NKAIN2: variants seen among roughly 807,000 people sequenced by gnomAD.
The protein encoded by NKAIN2 is sodium/potassium transporting ATPase interacting 2.
NKAIN2 carries 14 observed loss-of-function variants against 32.6 expected under a neutral mutation model. The observed-to-expected ratio is 0.43, with a 90% CI of 0.28 to 0.67. The LOEUF (loss-of-function observed/expected upper bound fraction) is 0.67, where lower values mean the gene tolerates loss of function less well. Ranked by LOEUF, NKAIN2 falls within the 30% of genes least tolerant of loss-of-function variation. The pLI is 0.17. For missense variants in NKAIN2, 198 were observed against 258.3 expected, an observed-to-expected ratio of 0.77 and a Z score of 1.60; for synonymous variants, 80 against 87.2, an observed-to-expected ratio of 0.92 and a Z score of 0.46.
chr6:124,664,710 C>T (rs1398674379), intron 4 of NKAIN2, among the ~76,000 whole-genome samples: 2 of 126,894 alleles, frequency 1.6e-5, no homozygotes, highest in Admixed American at 9.5e-5. Flanking sequence ...AGGAGAATGG[C>T]GTGAACCCGG....
chr6:124,567,291 T>G (rs1386702735), intron 3 of NKAIN2, among the ~76,000 whole-genome samples: 1 of 152,210 alleles, frequency 6.6e-6, no homozygotes, highest in East Asian at 1.9e-4. Context: ...AAATTCATGA[T>G]CACCAATAAT....
chr6:124,662,468 G>T (rs750349754), intron 4 of NKAIN2, among the ~76,000 whole-genome samples: 2 of 152,038 alleles, frequency 1.3e-5, no homozygotes, highest in Non-Finnish European at 2.9e-5. Context: ...GTTCTCCTTC[G>T]GTTATATCTA....
intron 5 of NKAIN2, among the ~76,000 whole-genome samples, chr6:124,793,850 G>T (rs1168577197): frequency 6.6e-6 from 1 of 152,080 alleles, no homozygotes; most frequent in Admixed American, 6.6e-5. Flanking sequence ...GCCAGATACA[G>T]ATCAAAGAGA....
chr6:124,001,317 G>A (rs187936422), intron 1 of NKAIN2, among the ~76,000 whole-genome samples: 11 of 152,106 alleles, frequency 7.2e-5, no homozygotes, highest in African/African-American at 2.6e-4. Context: ...TGTTTACAAG[G>A]AGAAAGTAAA....
At chr6:123,922,259 G>A (rs1332770975) in intron 1 of NKAIN2, among the ~76,000 whole-genome samples, 2 of 152,048 alleles carry the variant, frequency 1.3e-5, no homozygotes, top group Non-Finnish European at 2.9e-5. Flanking sequence ...TTAAATTAAT[G>A]CTATGTAGCC....
At chr6:124,250,207 G>A (rs771955646) in intron 1 of NKAIN2, among the ~76,000 whole-genome samples, 65 of 152,090 alleles carry the variant, frequency 4.3e-4, no homozygotes, top group African/African-American at 1.5e-3. Context: ...ATCTGCTGGT[G>A]CCTTGATCAG....
intron 3 of NKAIN2, among the ~76,000 whole-genome samples, chr6:124,375,343 T>A (rs941011079): frequency 6.7e-6 from 1 of 149,660 alleles, no homozygotes; most frequent in Non-Finnish European, 1.5e-5. Context: ...ACCTCTTCCA[T>A]ATACGTATCA....
In NKAIN2 at chr6:124,791,802, A is replaced by G. The variant is rs573580080; in HGVS notation, c.535+403A>G. On this transcript the variant is annotated intron_variant, in intron 5 of 6. Coordinates refer to ENST00000368417, the MANE Select transcript of NKAIN2 (RefSeq NM_001040214.3). ...CCAAGACTACAAATCCCCAAAATCA[A>G]CAATTTGTAATAGTTGCTAAGATTC... is the stretch of plus-strand genomic sequence containing the variant. Among the ~76,000 whole-genome samples the G allele has an allele frequency of 4.6e-5, 7 of 152,260 alleles. No homozygotes were observed. The South Asian group carries it at 1.0e-3, about 23-fold the overall frequency.
intron 1 of NKAIN2, among the ~76,000 whole-genome samples, chr6:124,099,882 A>C (rs1302649481): frequency 6.6e-6 from 1 of 152,172 alleles, no homozygotes; most frequent in Non-Finnish European, 1.5e-5. Flanking sequence ...TGGAGCCTAC[A>C]CAAAAAGAAG....
chr6:124,066,808 T>C (rs964363155), intron 1 of NKAIN2, among the ~76,000 whole-genome samples: 3 of 152,076 alleles, frequency 2.0e-5, no homozygotes, highest in Non-Finnish European at 4.4e-5. Context: ...ATTCTAAGGA[T>C]ACTATCTCAA....
At chr6:124,669,136 A>G (rs376820057) in intron 4 of NKAIN2, among the ~76,000 whole-genome samples, 38 of 152,254 alleles carry the variant, frequency 2.5e-4, no homozygotes, top group African/African-American at 9.1e-4. Context: ...GGAGTAATGG[A>G]TCATAGTTGC....
intron 3 of NKAIN2, among the ~76,000 whole-genome samples, chr6:124,414,704 A>G (rs1444393704): frequency 6.6e-6 from 1 of 152,086 alleles, no homozygotes; most frequent in Non-Finnish European, 1.5e-5. Context: ...TTGGTTTTCT[A>G]TTTCTTCTTA....
intron 1 of NKAIN2, among the ~76,000 whole-genome samples, chr6:123,806,367 C>G (rs1414063265): frequency 3.3e-5 from 5 of 151,818 alleles, no homozygotes; most frequent in Non-Finnish European, 7.4e-5. Flanking sequence ...AACGCAGATG[C>G]AGAACAAAAA....
At chr6:123,923,340 C>A (rs1775846273) in intron 1 of NKAIN2, among the ~76,000 whole-genome samples, 1 of 150,882 alleles carries the variant, frequency 6.6e-6, no homozygotes, top group Non-Finnish European at 1.5e-5. Context: ...ACATCTGTAA[C>A]TTTTCACTAT....
chr6:124,172,730 C>T (rs1362426646), intron 1 of NKAIN2, among the ~76,000 whole-genome samples: 2 of 152,012 alleles, frequency 1.3e-5, no homozygotes, highest in Admixed American at 1.3e-4. Context: ...AAATTCAGTC[C>T]AGGTTTTTAC....
chr6:124,415,878 C>CCT (rs1774444119), intron 3 of NKAIN2, among the ~76,000 whole-genome samples: 1 of 72,590 alleles, frequency 1.4e-5, no homozygotes, highest in South Asian at 5.6e-4. Flanking sequence ...TTTTTATTTG[C>CCT]TTTTTTTTTT....
chr6:124,456,060 G>C (rs565653420), intron 3 of NKAIN2, among the ~76,000 whole-genome samples: 78 of 151,258 alleles, frequency 5.2e-4, no homozygotes, highest in African/African-American at 1.7e-3. Flanking sequence ...TTTTCTTTCA[G>C]GTATACCTAT....
chr6:124,097,197 C>T (rs1026512006), intron 1 of NKAIN2, among the ~76,000 whole-genome samples: 12 of 152,028 alleles, frequency 7.9e-5, no homozygotes, highest in East Asian at 5.9e-4. Flanking sequence ...ATCACGAGGT[C>T]GAGACCATCA....
At chr6:124,295,044 A>T (rs547780985) in intron 2 of NKAIN2, among the ~76,000 whole-genome samples, 1 of 152,304 alleles carries the variant, frequency 6.6e-6, no homozygotes, top group African/African-American at 2.4e-5. Flanking sequence ...GTGTACACAA[A>T]GATTTCCCTT....
Sources: gnomAD v4.1 joint callset for allele counts (sites outside exome capture counted in the v4.1 genomes callset) on GRCh38, gnomAD v4.1.1 for gene constraint, MANE v1.5 for transcripts, NCBI Gene and HGNC (gene_info 2026-07-23, HGNC 2026-07-21) for gene names.